The following METTL6 variants were observed in gnomAD, a reference collection of about 807,000 sequenced individuals.
The protein encoded by METTL6 is methyltransferase 6, tRNA N3-cytidine.
In METTL6, 22 loss-of-function variants were observed where a neutral mutation model predicts 26.4. That is an observed-to-expected ratio of 0.83 (90% CI 0.59 to 1.19). METTL6 has a LOEUF of 1.19. Among genes scored for constraint, METTL6 ranks in the 50% most tolerant of loss-of-function variants. The pLI is 0.00. For missense variants in METTL6, 304 were observed against 324.8 expected, an observed-to-expected ratio of 0.94 and a Z score of 0.49; for synonymous variants, 109 against 116.2, an observed-to-expected ratio of 0.94 and a Z score of 0.40.
intron 3 of METTL6, among the ~76,000 whole-genome samples, chr3:15,423,427 AGT>A (rs1394451049): frequency 6.6e-6 from 1 of 152,182 alleles, no homozygotes; most frequent in Non-Finnish European, 1.5e-5. Context: ...AAAGGACATA[AGT>A]GTAAGAGGTA....
At chr3:15,398,223 T>A (rs1214575197) in intron 6 of METTL6, among the ~76,000 whole-genome samples, 1 of 152,068 alleles carries the variant, frequency 6.6e-6, no homozygotes, top group African/African-American at 2.4e-5. Flanking sequence ...AGACAGAGTC[T>A]TGCTCTGTTG....
intron 6 of METTL6, chr3:15,399,259 T>C (rs897013358): frequency 4.2e-5 from 6 of 141,888 alleles, no homozygotes; most frequent in African/African-American, 1.3e-4. Flanking sequence ...TTGTTTAGCA[T>C]ATACTCAAGA....
Position 15,424,815 on chromosome 3 carries a change from G to A in METTL6, c.360+140C>T, listed in dbSNP as rs112923567. 38 of 1,061,880 alleles carry A rather than the reference G, an allele frequency of 3.6e-5. No individual in the cohort carries two copies. The Middle Eastern group carries it at 6.7e-4, about 19-fold the overall frequency. The allele number at this position is 1,061,880 out of a possible 1,614,324, so 65.8% of individuals were successfully genotyped here. On this transcript the variant is annotated intron_variant, in intron 3 of 5. Coordinates refer to ENST00000383790, the MANE Select transcript of METTL6 (RefSeq NM_152396.4). ...CTACATGCACTGTATATGTATGTAAGCAGGACAACTACATGTATGGTGACT... is the reference window on the plus strand; with the variant it reads ...CTACATGCACTGTATATGTATGTAAACAGGACAACTACATGTATGGTGACT...
At chr3:15,389,620 G>C (rs973823303) in intron 6 of METTL6, among the ~76,000 whole-genome samples, 2 of 152,040 alleles carry the variant, frequency 1.3e-5, no homozygotes, top group Non-Finnish European at 2.9e-5. Flanking sequence ...CGCAATCTCG[G>C]CTCACCACAA....
chr3:15,408,899 G>A (rs1699873018), downstream of METTL6, among the ~76,000 whole-genome samples: 1 of 152,108 alleles, frequency 6.6e-6, no homozygotes, highest in Non-Finnish European at 1.5e-5. Flanking sequence ...TCTACGGAGG[G>A]GGCAGTGGGC....
intron 6 of METTL6, among the ~76,000 whole-genome samples, chr3:15,386,939 T>C (rs906594918): frequency 6.6e-6 from 1 of 151,996 alleles, no homozygotes; most frequent in Admixed American, 6.6e-5. Flanking sequence ...ATTACAGGCA[T>C]GCACCACTAC....
chr3:15,425,867 C>T (rs181281144), intron 2 of METTL6, among the ~76,000 whole-genome samples: 62 of 152,348 alleles, frequency 4.1e-4, no homozygotes, highest in South Asian at 8.3e-4. Flanking sequence ...TCTCCTAAAA[C>T]GCAAAGCATT....
chr3:15,403,208 C>G (rs11916751), intron 6 of METTL6, among the ~76,000 whole-genome samples: 3,131 of 152,244 alleles, frequency 0.021, 93 homozygotes, highest in African/African-American at 0.069. Context: ...CTCCTGGTCT[C>G]AAGTGATCTT....
At chr3:15,385,709 A>G (rs373727380) in intron 6 of METTL6, among the ~76,000 whole-genome samples, 2 of 152,214 alleles carry the variant, frequency 1.3e-5, no homozygotes, top group African/African-American at 2.4e-5. Context: ...AAACAAAAAC[A>G]AAAACCAAAA....
chr3:15,384,315 T>A (rs879176393), intron 6 of METTL6: 1 of 207,174 alleles, frequency 4.8e-6, no homozygotes, highest in Admixed American at 5.8e-5. Flanking sequence ...AGCTCCGCAT[T>A]AAAAAAAAAT....
At chr3:15,406,912 G>A (rs2124948409), downstream of METTL6, among the ~76,000 whole-genome samples, 1 of 152,200 alleles carries the variant, frequency 6.6e-6, no homozygotes, top group South Asian at 2.1e-4. Context: ...TTACAGGCAT[G>A]AGCCACCACG....
intron 6 of METTL6, among the ~76,000 whole-genome samples, chr3:15,386,786 G>A (rs752310280): frequency 8.6e-4 from 130 of 151,348 alleles, no homozygotes; most frequent in African/African-American, 1.9e-4. Context: ...ACCAGTTTTC[G>A]GTGTTTCCTT....
At chr3:15,401,993 C>T (rs959502365) in intron 6 of METTL6, among the ~76,000 whole-genome samples, 9 of 152,164 alleles carry the variant, frequency 5.9e-5, no homozygotes, top group South Asian at 2.1e-4. Flanking sequence ...TCTATGAACT[C>T]GCCCCGAATT....
intron 6 of METTL6, among the ~76,000 whole-genome samples, chr3:15,398,153 A>C (rs1313922860): frequency 6.6e-6 from 1 of 151,734 alleles, no homozygotes; most frequent in East Asian, 1.9e-4. Flanking sequence ...CCCACATGGC[A>C]TGGCTGGCCT....
intron 6 of METTL6, among the ~76,000 whole-genome samples, chr3:15,390,890 G>C (rs1247158906): frequency 1.3e-5 from 2 of 150,810 alleles, no homozygotes; most frequent in African/African-American, 5.0e-5. Context: ...GCGGCTCTCA[G>C]CATCCAGGAA....
chr3:15,422,153 C>T (rs184174726), intron 3 of METTL6, among the ~76,000 whole-genome samples: 63 of 149,148 alleles, frequency 4.2e-4, no homozygotes, highest in East Asian at 3.5e-3. Context: ...TAGTGAGACC[C>T]GTCTCTACAA....
At chr3:15,390,380 A>G (rs550177023) in intron 6 of METTL6, among the ~76,000 whole-genome samples, 3 of 152,266 alleles carry the variant, frequency 2.0e-5, no homozygotes, top group East Asian at 3.9e-4. Context: ...GTGAGCCAAG[A>G]TCATGCCACT....
intron 6 of METTL6, among the ~76,000 whole-genome samples, chr3:15,387,013 G>A (rs1699218726): frequency 6.6e-6 from 1 of 152,084 alleles, no homozygotes; most frequent in Non-Finnish European, 1.5e-5. Flanking sequence ...GCCCAGGCTG[G>A]TCTTGAACTC....
At chr3:15,385,686 C>T (rs1048845676) in intron 6 of METTL6, among the ~76,000 whole-genome samples, 9 of 152,094 alleles carry the variant, frequency 5.9e-5, no homozygotes, top group African/African-American at 2.2e-4. Flanking sequence ...ATAACAAGAC[C>T]CTGTCTCCAA....
Sources: allele counts gnomAD v4.1 joint callset (sites outside exome capture counted in the v4.1 genomes callset), GRCh38; gene constraint gnomAD v4.1.1; transcripts MANE v1.5; gene names NCBI Gene and HGNC (gene_info 2026-07-23, HGNC 2026-07-21).